Variants in SLC9A9 observed in about 807,000 individuals in gnomAD.
SLC9A9 encodes sodium/hydrogen exchanger 9.
SLC9A9 carries 62 observed loss-of-function variants against 77.8 expected under a neutral mutation model. That is an observed-to-expected ratio of 0.80 (90% CI 0.65 to 0.98). The LOEUF (loss-of-function observed/expected upper bound fraction) is 0.98. SLC9A9 is among the 50% of genes least tolerant of loss of function. The pLI is 0.00. For missense variants in SLC9A9, 775 were observed against 774.9 expected, an observed-to-expected ratio of 1.00 and a Z score of 0.00; for synonymous variants, 320 against 283.5, an observed-to-expected ratio of 1.13 and a Z score of -1.29.
In SLC9A9 at chr3:143,762,339, A is replaced by AAAT. The variant is rs1030358662; in HGVS notation, c.533+32659_533+32661dup. On this transcript the variant is annotated intron_variant, in intron 4 of 15. Coordinates refer to ENST00000316549, the MANE Select transcript of SLC9A9 (RefSeq NM_173653.4). ...CATGTACCCTAGAACTTAAAGTATA[A>AAAT]AATAATAATAATAATAACCACCACC... 4.5e-4 allele frequency among the ~76,000 whole-genome samples: 68 copies of AAAT among 152,052 alleles called. 1 individual carries two copies. The highest frequency in any genetic ancestry group is 1.2e-4 in the Non-Finnish European group (8 of 67,978).
At chr3:143,703,859 T>C (rs1055890588) in intron 4 of SLC9A9, among the ~76,000 whole-genome samples, 4 of 151,906 alleles carry the variant, frequency 2.6e-5, no homozygotes, top group African/African-American at 9.7e-5. Flanking sequence ...TAAATAAAAT[T>C]AGAGATGAAA....
At chr3:143,321,017 C>T (rs1019980985) in intron 14 of SLC9A9, among the ~76,000 whole-genome samples, 1 of 152,196 alleles carries the variant, frequency 6.6e-6, no homozygotes, top group Admixed American at 6.5e-5. Flanking sequence ...GCAATCGTCA[C>T]AGGCTAGAAG....
intron 14 of SLC9A9, among the ~76,000 whole-genome samples, chr3:143,328,046 G>A (rs2108451656): frequency 6.6e-6 from 1 of 152,122 alleles, no homozygotes; most frequent in South Asian, 2.1e-4. Context: ...GCTTACATTT[G>A]TTTGATAAAG....
At chr3:143,419,238 C>T (rs190015770) in intron 12 of SLC9A9, among the ~76,000 whole-genome samples, 36 of 152,306 alleles carry the variant, frequency 2.4e-4, no homozygotes, top group Non-Finnish European at 4.6e-4. Context: ...ATGTGCCAGG[C>T]ACCACTCTAA....
At chr3:143,701,376 G>T (rs1178383480) in intron 4 of SLC9A9, among the ~76,000 whole-genome samples, 1 of 152,102 alleles carries the variant, frequency 6.6e-6, no homozygotes, top group Non-Finnish European at 1.5e-5. Flanking sequence ...ATTCAAAATA[G>T]CTGTTTTGAG....
At chr3:143,366,672 A>G (rs2032910983) in intron 13 of SLC9A9, among the ~76,000 whole-genome samples, 1 of 152,226 alleles carries the variant, frequency 6.6e-6, no homozygotes, top group Non-Finnish European at 1.5e-5. Flanking sequence ...TACTTTTCAT[A>G]TATTAACACT....
At chr3:143,631,252 C>T (rs929081635) in intron 6 of SLC9A9, among the ~76,000 whole-genome samples, 1 of 152,120 alleles carries the variant, frequency 6.6e-6, no homozygotes, top group Non-Finnish European at 1.5e-5. Context: ...ATAATCCCTG[C>T]ATTTGGGTCA....
chr3:143,774,503 A>G (rs1560073395), intron 4 of SLC9A9, among the ~76,000 whole-genome samples: 1 of 152,248 alleles, frequency 6.6e-6, no homozygotes. Context: ...CAGTCTCCTC[A>G]TAGGTAAATT....
chr3:143,680,656 C>T (rs1489730283), intron 5 of SLC9A9, among the ~76,000 whole-genome samples: 1 of 152,012 alleles, frequency 6.6e-6, no homozygotes, highest in Non-Finnish European at 1.5e-5. Context: ...ACTCGGGCAC[C>T]TCACAAAATT....
At chr3:143,442,330 G>A (rs2034756945) in intron 12 of SLC9A9, among the ~76,000 whole-genome samples, 2 of 152,152 alleles carry the variant, frequency 1.3e-5, no homozygotes, top group Admixed American at 1.3e-4. Flanking sequence ...AGCTCCCAAG[G>A]TCAGAATGCT....
At chr3:143,552,534 A>C in intron 8 of SLC9A9, 84 bp from the exon 9 acceptor site, 2 of 1,135,560 alleles carry the variant, frequency 1.8e-6, no homozygotes, top group Non-Finnish European at 2.6e-6. Context: ...GTTGGAAAAT[A>C]GACTTGGTGT....
At chr3:143,765,205 T>C (rs111652044) in intron 4 of SLC9A9, among the ~76,000 whole-genome samples, 33 of 150,390 alleles carry the variant, frequency 2.2e-4, no homozygotes, top group African/African-American at 8.0e-4. Flanking sequence ...TTTCTCTCTC[T>C]CTTTCTTTCT....
intron 13 of SLC9A9, among the ~76,000 whole-genome samples, chr3:143,366,495 T>A (rs2032905352): frequency 6.6e-6 from 1 of 152,216 alleles, no homozygotes; most frequent in Non-Finnish European, 1.5e-5. Context: ...ATTCTATTAA[T>A]AGACTACGTA....
intron 8 of SLC9A9, among the ~76,000 whole-genome samples, chr3:143,563,971 C>G (rs1576579449): frequency 6.6e-6 from 1 of 152,244 alleles, no homozygotes; most frequent in Non-Finnish European, 1.5e-5. Flanking sequence ...GAGCTAGGTT[C>G]CTGACCTGCT....
At chr3:143,472,581 G>C (rs994870238) in intron 11 of SLC9A9, among the ~76,000 whole-genome samples, 1 of 152,186 alleles carries the variant, frequency 6.6e-6, no homozygotes, top group Non-Finnish European at 1.5e-5. Flanking sequence ...GGGTTAGGCT[G>C]GGTTATATTC....
At chr3:143,397,984 A>G (rs574773033) in intron 12 of SLC9A9, among the ~76,000 whole-genome samples, 1 of 152,194 alleles carries the variant, frequency 6.6e-6, no homozygotes, top group South Asian at 2.1e-4. Flanking sequence ...TTGTGGAGTG[A>G]TATCTTGGAA....
chr3:143,467,910 T>A (rs528960790), intron 11 of SLC9A9, among the ~76,000 whole-genome samples: 170 of 152,228 alleles, frequency 1.1e-3, no homozygotes, highest in Non-Finnish European at 1.7e-3. Flanking sequence ...GTTATATAAA[T>A]GGAACCATGC....
At chr3:143,775,952 G>A (rs185058860) in intron 4 of SLC9A9, among the ~76,000 whole-genome samples, 73 of 152,262 alleles carry the variant, frequency 4.8e-4, no homozygotes, top group African/African-American at 1.6e-3. Flanking sequence ...TCAACTCTAC[G>A]TGGGTGTTAG....
At chr3:143,778,629 G>C (rs1196967995) in intron 4 of SLC9A9, among the ~76,000 whole-genome samples, 1 of 152,126 alleles carries the variant, frequency 6.6e-6, no homozygotes, top group African/African-American at 2.4e-5. Flanking sequence ...ATCTTTATAA[G>C]TAGCTGTATT....
Sources: gnomAD v4.1 joint callset for allele counts (sites outside exome capture counted in the v4.1 genomes callset) on GRCh38, gnomAD v4.1.1 for gene constraint, MANE v1.5 for transcripts, NCBI Gene and HGNC (gene_info 2026-07-23, HGNC 2026-07-21) for gene names.